Variants in METTL26 observed in about 807,000 individuals in gnomAD.
METTL26 encodes the protein methyltransferase-like 26.
Under a neutral mutation model 24.7 loss-of-function variants are expected in METTL26, and 28 were observed. The observed-to-expected ratio is 1.13, with a 90% confidence interval of 0.84 to 1.55. The LOEUF (loss-of-function observed/expected upper bound fraction) is 1.55. Among genes scored for constraint, METTL26 ranks in the 40% most tolerant of loss-of-function variants. METTL26 has a pLI of 0.00. For synonymous variants in METTL26, 165 were observed against 125.2 expected, an observed-to-expected ratio of 1.32 and a Z score of -2.12; for missense variants, 344 against 281.2, an observed-to-expected ratio of 1.22 and a Z score of -1.60.
At position 634,737 on chromosome 16, in the gene METTL26, G is replaced by T; in HGVS notation, c.549C>A (p.Gly183=). The T allele has an allele frequency of 6.2e-7, 1 of 1,612,798 alleles. No homozygotes were observed. Residue 183 remains glycine (G), a synonymous_variant, in exon 5 of 6, where the codon GGC becomes GGA. Transcript: ENST00000301686. ...CACCTACCATCCTCTCCAGGAGCAG[G>T]CCACTGGCCTTTCCCAGGTCCTCCA... The part of the protein sequence containing the change: ...ALLEDLGKAS[G]LLLERMVDMP...
Position 635,771 on chromosome 16 carries a change from G to T in METTL26, c.201C>A (p.Ile67=), listed in dbSNP as rs1217363283. Residue 67 remains isoleucine (I), a synonymous_variant, in exon 2 of 6, where the codon ATC becomes ATA. Coordinates refer to ENST00000301686, the MANE Select transcript of METTL26 (RefSeq NM_032366.5). ...GGCCCTGGGCTTGCGTGGTGGCCGC[G>T]ATGCTGCAGGAGGCGAACGCTTGGG... is the stretch of plus-strand genomic sequence containing the variant. ...SDVDQRCLDS[I]AATTQAQGLT... 2 of 1,564,138 alleles carry T rather than the reference G, an allele frequency of 1.3e-6. No homozygotes were observed. Among genetic ancestry groups the T allele is most frequent in the African/African-American group, 1.3e-5 (1 of 74,288 alleles).
rs368380415 is a variant in METTL26 at position 635,623 on chromosome 16, G to A, written c.349C>T (p.Arg117Cys). 352 of 1,549,582 alleles carry A rather than the reference G, an allele frequency of 2.3e-4. 3 individuals carry two copies. The South Asian group carries it at 3.2e-3, about 14-fold the overall frequency. ...CINMAHVSPLRCTEGLFRAAG... is the reference protein window; with the variant it reads ...CINMAHVSPLCCTEGLFRAAG... ...GGCTCCCCACAGACCTCCGTGCAGC[G>A]CAGGGGGCTGACATGGGCCATGTTG... Residue 117 changes from arginine to cysteine, a missense_variant, in exon 2 of 6, where the codon CGC (arginine) becomes TGC (cysteine). By Grantham distance (180) the Arg-to-Cys change is radical (BLOSUM62 -3). Coordinates refer to ENST00000301686, the MANE Select transcript of METTL26 (RefSeq NM_032366.5).
Position 634,712 on chromosome 16 carries a change from C to CT in METTL26, c.567+6_567+7insA. 1 of 1,612,882 alleles carries CT rather than the reference C, an allele frequency of 6.2e-7. No individual in the cohort carries two copies. The highest frequency in any genetic ancestry group is 8.5e-7 in the Non-Finnish European group (1 of 1,179,958). ...GAGGTTGCCTGGGCCCCCGCTCCCC[C>CT]ACCTACCATCCTCTCCAGGAGCAGG... On this transcript the variant is annotated splice_region_variant and intron_variant, in intron 5 of 5. Coordinates refer to ENST00000301686, the MANE Select transcript of METTL26 (RefSeq NM_032366.5).
rs2037129037 is a variant in METTL26, at chr16:635,744, C to G, written c.228G>C (p.Leu76=). The part of the protein sequence containing the change: ...SIAATTQAQG[L]TNVKAPLHLD... ...GGTGTAGCGGGGCCTTCACGTTGGTCAGGCCCTGGGCTTGCGTGGTGGCCG... is the reference window on the plus strand; with the variant it reads ...GGTGTAGCGGGGCCTTCACGTTGGTGAGGCCCTGGGCTTGCGTGGTGGCCG... The change falls in exon 2 of 6, where the codon CTG becomes CTC. Residue 76 remains leucine, a synonymous_variant. Coordinates refer to ENST00000301686, the MANE Select transcript of METTL26 (RefSeq NM_032366.5). 5.1e-6 allele frequency: 8 copies of G among 1,580,384 alleles called. No homozygotes were observed. Among genetic ancestry groups the G allele is most frequent in the African/African-American group, 1.3e-5 (1 of 74,660 alleles).
At chr16:635,223 G>T in intron 3 of METTL26, 58 bp downstream of exon 3, 1 of 1,519,082 alleles carries the variant, frequency 6.6e-7, no homozygotes, top group Admixed American at 2.0e-5. Flanking sequence ...TCTCAGCAGG[G>T]CAGGAGACAG....
intron 3 of METTL26, 96 bp from the exon 4 acceptor site, chr16:635,052 G>A (rs1238308762): frequency 6.5e-7 from 1 of 1,530,548 alleles, no homozygotes; most frequent in African/African-American, 1.4e-5. Flanking sequence ...AGAATGAAAG[G>A]GCACCCCCTC....
At position 636,305 on chromosome 16, in the gene METTL26, C is replaced by T; in HGVS notation, c.-15G>A. ...GCCACCAGCATCGCGGCAGCAACAA[C>T]TCCCCGCCGCGGACGCGGCGCGGGT... is the stretch of plus-strand genomic sequence containing the variant. On this transcript the variant is annotated 5_prime_UTR_variant, in exon 1 of 6. Coordinates refer to ENST00000301686, the MANE Select transcript of METTL26 (RefSeq NM_032366.5). 1 of 1,406,310 alleles carries T rather than the reference C, an allele frequency of 7.1e-7. No homozygotes were observed. The highest frequency in any genetic ancestry group is 9.2e-7 in the Non-Finnish European group (1 of 1,089,680). 87.1% of individuals were successfully genotyped at this position (1,406,310 alleles called of 1,614,324 possible).
chr16:635,731 C>T lies in METTL26; in HGVS notation c.241G>A (p.Ala81Thr), dbSNP rs1250736194. 6.3e-7 allele frequency: 1 copy of T among 1,577,016 alleles called. No homozygotes were observed. Among genetic ancestry groups the T allele is most frequent in the Non-Finnish European group, 8.6e-7 (1 of 1,162,786 alleles). Residue 81 changes from alanine to threonine, a missense_variant, in exon 2 of 6, where the codon GCC (alanine) becomes ACC (threonine). Transcript: ENST00000301686. ...TQAQGLTNVKAPLHLDVTWGW... is the reference protein window; with the variant it reads ...TQAQGLTNVKTPLHLDVTWGW... ...CACGTCACGTCCAGGTGTAGCGGGG[C>T]CTTCACGTTGGTCAGGCCCTGGGCT...
rs954614856 is a variant in METTL26 at position 636,151 on chromosome 16, C to T, written c.140G>A (p.Arg47Gln). The change falls in exon 1 of 6, where the codon CGG becomes CAG. Residue 47 changes from arginine (R) to glutamine (Q), a missense_variant. Transcript: ENST00000301686. ...GSGQHAAHFA[R>Q]AFPLAEWQPS... Reference sequence around the variant, plus strand: ...CTGCCACTCGGCCAGGGGGAAGGCCCGCGCGAAGTGCGCTGCGTGCTGGCC... The same window carrying T: ...CTGCCACTCGGCCAGGGGGAAGGCCTGCGCGAAGTGCGCTGCGTGCTGGCC... 4.1e-6 allele frequency: 6 copies of T among 1,462,282 alleles called. No individual in the cohort carries two copies. The African/African-American group carries it at 6.0e-5, about 15-fold the overall frequency. The allele number at this position is 1,462,282 out of a possible 1,614,324, so 90.6% of individuals were successfully genotyped here.
chr16:635,283 C>A lies in METTL26; in HGVS notation c.418G>T (p.Gly140Trp), dbSNP rs781294019. ...CCGCCGTGGACAGGCCCACTCACCC[C>A]GTAGGTGATGAGCAGGGCCCTGGGT... ...LKPRALLITY[G>W]PYAINGKISP... is the part of the protein sequence containing the mutation. The change falls in exon 3 of 6, where the codon GGG becomes TGG. Residue 140 changes from glycine to tryptophan, a missense_variant and splice_region_variant. By Grantham distance (184) the Gly-to-Trp change is radical. Coordinates refer to ENST00000301686, the MANE Select transcript of METTL26 (RefSeq NM_032366.5). 1.3e-6 allele frequency: 2 copies of A among 1,588,598 alleles called. No individual in the cohort carries two copies. The highest frequency in any genetic ancestry group is 1.7e-4 in the Middle Eastern group (1 of 6,018).
At chr16:635,198 C>T in intron 3 of METTL26, 83 bp downstream of exon 3, 1 of 1,494,740 alleles carries the variant, frequency 6.7e-7, no homozygotes, top group East Asian at 2.5e-5. Flanking sequence ...GGGCAGGGAG[C>T]CCAGGAGGGA....
Position 634,926 on chromosome 16 carries a change from G to T in METTL26, c.451C>A (p.Gln151Lys), listed in dbSNP as rs755916265. The T allele has an allele frequency of 5.6e-6, 9 of 1,605,954 alleles. No individual in the cohort carries two copies. Among genetic ancestry groups the T allele is most frequent in the Admixed American group, 3.4e-5 (2 of 58,906 alleles). The change falls in exon 4 of 6, where the codon CAG becomes AAG. Residue 151 changes from glutamine (Q) to lysine (K), a missense_variant. Physicochemically the swap from Gln to Lys is moderately conservative, Grantham distance 53 (BLOSUM62 1). Transcript: ENST00000301686. The stretch of plus-strand genomic sequence containing the variant: ...ATCAGGTCAAAGTCCACGTTGCTCT[G>T]GGGGGAGATCTTCCCATTGATGGCA... Reference protein sequence around the residue: ...PYAINGKISPQSNVDFDLMLR... With the variant: ...PYAINGKISPKSNVDFDLMLR...
chr16:635,771 G>A lies in METTL26; in HGVS notation c.201C>T (p.Ile67=), dbSNP rs1217363283. The A allele has an allele frequency of 1.9e-6, 3 of 1,564,138 alleles. No homozygotes were observed. The highest frequency in any genetic ancestry group is 2.7e-5 in the African/African-American group (2 of 74,288). The part of the protein sequence containing the change: ...SDVDQRCLDS[I]AATTQAQGLT... The stretch of plus-strand genomic sequence containing the variant: ...GGCCCTGGGCTTGCGTGGTGGCCGC[G>A]ATGCTGCAGGAGGCGAACGCTTGGG... Residue 67 remains isoleucine (I), a synonymous_variant, in exon 2 of 6, where the codon ATC becomes ATT. Transcript: ENST00000301686.
rs1443404224 is a variant in METTL26, at chr16:636,176, C to G, written c.115G>C (p.Gly39Arg). ...CGCGCGAAGTGCGCTGCGTGCTGGC[C>G]GGAGCCCGAGGCCACCTCGAGGACG... ...VRVLEVASGS[G>R]QHAAHFARAF... The change falls in exon 1 of 6, where the codon GGC (glycine) becomes CGC (arginine). Residue 39 changes from glycine to arginine, a missense_variant. Transcript: ENST00000301686. 1.3e-6 allele frequency: 2 copies of G among 1,485,430 alleles called. No individual in the cohort carries two copies. The highest frequency in any genetic ancestry group is 1.8e-6 in the Non-Finnish European group (2 of 1,125,400). The allele number at this position is 1,485,430 out of a possible 1,614,324, so 92.0% of individuals were successfully genotyped here.
At chr16:635,011 G>T (rs1442356273) in intron 3 of METTL26, 55 bp from the exon 4 acceptor site, 13 of 1,550,384 alleles carry the variant, frequency 8.4e-6, no homozygotes, top group East Asian at 2.4e-5. Context: ...TTCCCAGAGA[G>T]CCTGGGACAG....
intron 3 of METTL26, 30 bp from the exon 4 acceptor site, chr16:634,986 C>A: frequency 6.4e-7 from 1 of 1,573,646 alleles, no homozygotes. Context: ...GCCCACTGGA[C>A]CAAGGTCGGG....
At chr16:635,872 A>G (rs1334915279) in intron 1 of METTL26, 98 bp from the exon 2 acceptor site, 2 of 1,432,432 alleles carry the variant, frequency 1.4e-6, no homozygotes, top group Non-Finnish European at 1.8e-6. Context: ...GGGCACGTTG[A>G]GGAGCGGAGA....
chr16:635,552 C>T, intron 2 of METTL26, 60 bp downstream of exon 2: 1 of 1,540,482 alleles, frequency 6.5e-7, no homozygotes, highest in Non-Finnish European at 8.7e-7. Flanking sequence ...GGCATCCCAG[C>T]TGCCCCCATG....
intron 1 of METTL26, 36 bp from the exon 2 acceptor site, chr16:635,810 C>A: frequency 6.6e-7 from 1 of 1,520,016 alleles, no homozygotes; most frequent in Non-Finnish European, 8.9e-7. Flanking sequence ...GGGCCGAGTC[C>A]TGTGCACCCG....
Sources: allele counts gnomAD v4.1 joint callset, GRCh38; gene constraint gnomAD v4.1.1; transcripts MANE v1.5; gene names NCBI Gene and HGNC (gene_info 2026-07-23, HGNC 2026-07-21).